Variants in TRPM3 observed in about 807,000 individuals in gnomAD.
TRPM3 encodes transient receptor potential cation channel subfamily M member 3.
TRPM3 carries 77 observed loss-of-function variants against 181.2 expected under a neutral mutation model. The observed-to-expected ratio is 0.42, with a 90% confidence interval of 0.35 to 0.51. TRPM3 has a LOEUF of 0.51. TRPM3 is among the 20% of genes least tolerant of loss of function. The probability of loss-of-function intolerance (pLI) is 0.01; values close to 1 mark genes in which losing one functional copy is unlikely to be tolerated. For missense variants in TRPM3, 1,759 were observed against 2,196.7 expected, an observed-to-expected ratio of 0.80 and a Z score of 3.98; for synonymous variants, 745 against 796.4, an observed-to-expected ratio of 0.94 and a Z score of 1.09.
chr9:71,360,060 G>A (rs929548018), intron 1 of TRPM3, among the ~76,000 whole-genome samples: 9 of 152,010 alleles, frequency 5.9e-5, no homozygotes, highest in Admixed American at 1.3e-4. Context: ...AAGAGTGGCC[G>A]GCACATAACT....
chr9:71,355,329 G>A (rs2091851705), intron 1 of TRPM3, among the ~76,000 whole-genome samples: 1 of 152,244 alleles, frequency 6.6e-6, no homozygotes, highest in East Asian at 1.9e-4. Flanking sequence ...CTTTTAAGAG[G>A]GAAATTTGGA....
At chr9:71,361,872 T>C (rs1338964587) in intron 1 of TRPM3, among the ~76,000 whole-genome samples, 2 of 152,192 alleles carry the variant, frequency 1.3e-5, no homozygotes, top group Non-Finnish European at 2.9e-5. Context: ...GGTTCAAATA[T>C]ATTTGAAATG....
chr9:70,751,585 G>T (rs374200382), intron 8 of TRPM3, among the ~76,000 whole-genome samples: 1 of 152,134 alleles, frequency 6.6e-6, no homozygotes, highest in Middle Eastern at 3.2e-3. Context: ...AATGAGAAAC[G>T]TAAGGAAAAG....
chr9:71,006,164 G>A (rs1240273172), intron 1 of TRPM3, among the ~76,000 whole-genome samples: 1 of 152,018 alleles, frequency 6.6e-6, no homozygotes, highest in Non-Finnish European at 1.5e-5. Context: ...CCCGCGTGTT[G>A]CCACAAAGCA....
At chr9:70,881,266 A>T (rs2095986922) in intron 1 of TRPM3, among the ~76,000 whole-genome samples, 1 of 152,114 alleles carries the variant, frequency 6.6e-6, no homozygotes, top group Non-Finnish European at 1.5e-5. Context: ...TTTTTATCAT[A>T]ATAGGTGGCT....
chr9:71,263,554 G>A (rs577013411), intron 1 of TRPM3, among the ~76,000 whole-genome samples: 1 of 152,180 alleles, frequency 6.6e-6, no homozygotes, highest in South Asian at 2.1e-4. Context: ...TATGTTTGCA[G>A]GCAAACATTT....
At chr9:70,586,023 T>C (rs1474119131) in intron 22 of TRPM3, among the ~76,000 whole-genome samples, 1 of 152,178 alleles carries the variant, frequency 6.6e-6, no homozygotes, top group African/African-American at 2.4e-5. Flanking sequence ...GGAAGGCCAT[T>C]CTTCTCTCCT....
chr9:71,287,757 T>G (rs772285253), intron 1 of TRPM3, among the ~76,000 whole-genome samples: 24 of 152,206 alleles, frequency 1.6e-4, no homozygotes, highest in Non-Finnish European at 3.1e-4. Flanking sequence ...GACCTATACA[T>G]GTGTTATTTT....
chr9:70,939,399 C>A (rs2096863022), intron 1 of TRPM3, among the ~76,000 whole-genome samples: 1 of 152,182 alleles, frequency 6.6e-6, no homozygotes, highest in African/African-American at 2.4e-5. Flanking sequence ...GTTAATTATT[C>A]AGTAGGATTA....
At chr9:71,220,036 A>G (rs13285314) in intron 1 of TRPM3, among the ~76,000 whole-genome samples, 8,178 of 152,262 alleles carry the variant, frequency 0.054, 246 homozygotes, top group East Asian at 0.11. Flanking sequence ...AAAGAAGTTG[A>G]TATCAGGTCC....
intron 22 of TRPM3, among the ~76,000 whole-genome samples, chr9:70,573,647 A>G (rs537147440): frequency 3.9e-5 from 6 of 152,274 alleles, no homozygotes; most frequent in African/African-American, 1.4e-4. Context: ...AAAACCTTGA[A>G]TTTCCAAGGT....
At chr9:71,350,850 T>C (rs549382249) in intron 1 of TRPM3, among the ~76,000 whole-genome samples, 4 of 152,310 alleles carry the variant, frequency 2.6e-5, no homozygotes, top group South Asian at 2.1e-4. Flanking sequence ...GTGAGAACAT[T>C]TGAAAGATCA....
chr9:70,800,392 C>T (rs185014962), intron 6 of TRPM3, among the ~76,000 whole-genome samples: 29 of 152,254 alleles, frequency 1.9e-4, no homozygotes, highest in Middle Eastern at 3.4e-3. Flanking sequence ...GAGCACCTGC[C>T]GGGTGTCAGG....
intron 1 of TRPM3, among the ~76,000 whole-genome samples, chr9:71,263,444 C>T (rs760147283): frequency 6.6e-6 from 1 of 152,170 alleles, no homozygotes; most frequent in African/African-American, 2.4e-5. Context: ...TCATGAAGAC[C>T]TCTGAGTCTA....
At chr9:71,146,699 C>T (rs1042709078) in intron 1 of TRPM3, among the ~76,000 whole-genome samples, 2 of 152,126 alleles carry the variant, frequency 1.3e-5, no homozygotes, top group Non-Finnish European at 2.9e-5. Context: ...GACGCCATTA[C>T]TGGTTACAGG....
intron 1 of TRPM3, among the ~76,000 whole-genome samples, chr9:71,373,469 A>G (rs1200103702): frequency 1.3e-5 from 2 of 152,198 alleles, no homozygotes; most frequent in African/African-American, 4.8e-5. Context: ...CCATAGAAAT[A>G]CAAACAACCA....
chr9:71,278,763 C>T (rs551419077), intron 1 of TRPM3, among the ~76,000 whole-genome samples: 6 of 152,084 alleles, frequency 3.9e-5, no homozygotes, highest in Non-Finnish European at 7.4e-5. Context: ...CAGAAATAAC[C>T]TGGACATGTA....
chr9:70,903,937 A>T (rs2096423943), intron 1 of TRPM3, among the ~76,000 whole-genome samples: 2 of 151,686 alleles, frequency 1.3e-5, no homozygotes, highest in African/African-American at 4.8e-5. Flanking sequence ...TCTTTTGCTG[A>T]TTTTTTTAAA....
chr9:71,362,952 G>A (rs1432723638), intron 1 of TRPM3, among the ~76,000 whole-genome samples: 1 of 152,158 alleles, frequency 6.6e-6, no homozygotes, highest in Non-Finnish European at 1.5e-5. Flanking sequence ...AATATAAAGA[G>A]TGATTCTTTC....
Sources: gnomAD v4.1 joint callset for allele counts (sites outside exome capture counted in the v4.1 genomes callset) on GRCh38, gnomAD v4.1.1 for gene constraint, MANE v1.5 for transcripts, NCBI Gene and HGNC (gene_info 2026-07-23, HGNC 2026-07-21) for gene names.